SYT9: variants seen among roughly 807,000 people sequenced by gnomAD.
SYT9 encodes the protein synaptotagmin-9.
Under a neutral mutation model 48.4 loss-of-function variants are expected in SYT9, and 22 were observed. The observed-to-expected ratio is 0.45, with a 90% CI of 0.32 to 0.65. The LOEUF (loss-of-function observed/expected upper bound fraction) is 0.65, where lower values mean the gene tolerates loss of function less well. SYT9 is among the 30% of genes least tolerant of loss of function. SYT9 has a pLI of 0.03. For missense variants in SYT9, 577 were observed against 622.0 expected (o/e 0.93, Z 0.77); for synonymous variants, 265 against 245.0 (o/e 1.08, Z -0.76).
At chr11:7,345,149 C>T (rs1280449407) in intron 3 of SYT9, among the ~76,000 whole-genome samples, 2 of 152,124 alleles carry the variant, frequency 1.3e-5, no homozygotes, top group South Asian at 2.1e-4. Context: ...CATTGTTTAT[C>T]GTTCTCTTCT....
intron 1 of SYT9, among the ~76,000 whole-genome samples, chr11:7,254,550 C>A (rs1406225996): frequency 6.6e-6 from 1 of 152,106 alleles, no homozygotes; most frequent in Non-Finnish European, 1.5e-5. Flanking sequence ...AAAGCTGCAC[C>A]ACACAACGCC....
At chr11:7,273,488 C>A (rs192151847) in intron 1 of SYT9, among the ~76,000 whole-genome samples, 109 of 152,072 alleles carry the variant, frequency 7.2e-4, no homozygotes, top group Non-Finnish European at 1.1e-3. Flanking sequence ...GAGAGAGAAC[C>A]CAGTATTTAT....
chr11:7,253,925 G>GA (rs1375627134), intron 1 of SYT9, among the ~76,000 whole-genome samples: 1 of 152,192 alleles, frequency 6.6e-6, no homozygotes, highest in Non-Finnish European at 1.5e-5. Context: ...CCTTGCCTGT[G>GA]ACCAGACCAC....
At chr11:7,390,559 C>T (rs1348781805) in intron 3 of SYT9, among the ~76,000 whole-genome samples, 1 of 151,984 alleles carries the variant, frequency 6.6e-6, no homozygotes, top group East Asian at 1.9e-4. Context: ...AGTAAGAAAC[C>T]ATATGTAAAA....
chr11:7,300,696 G>A (rs987388516), intron 1 of SYT9, among the ~76,000 whole-genome samples: 3 of 152,186 alleles, frequency 2.0e-5, no homozygotes, highest in African/African-American at 7.2e-5. Context: ...ACTGCTATGT[G>A]GAGCCTATTT....
chr11:7,313,025 T>TTA (rs906482781), intron 2 of SYT9, among the ~76,000 whole-genome samples: 3 of 152,214 alleles, frequency 2.0e-5, no homozygotes, highest in African/African-American at 7.2e-5. Flanking sequence ...CAGAATTATA[T>TTA]TATATATAAA....
intron 6 of SYT9, among the ~76,000 whole-genome samples, chr11:7,422,201 G>C (rs1169350536): frequency 6.6e-6 from 1 of 152,198 alleles, no homozygotes; most frequent in Non-Finnish European, 1.5e-5. Context: ...CAGAGAGGCA[G>C]AGAGGCCCCA....
At chr11:7,334,466 G>T (rs1849599036) in intron 3 of SYT9, among the ~76,000 whole-genome samples, 1 of 152,170 alleles carries the variant, frequency 6.6e-6, no homozygotes, top group African/African-American at 2.4e-5. Context: ...CAGTTTCACT[G>T]AGGAATAATT....
intron 6 of SYT9, among the ~76,000 whole-genome samples, chr11:7,459,288 C>G (rs138468780): frequency 2.0e-5 from 3 of 152,218 alleles, no homozygotes; most frequent in African/African-American, 4.8e-5. Context: ...ATGCAGGAAT[C>G]TAGAGTTCCA....
chr11:7,367,487 A>G (rs1428887069), intron 3 of SYT9, among the ~76,000 whole-genome samples: 1 of 151,910 alleles, frequency 6.6e-6, no homozygotes, highest in Non-Finnish European at 1.5e-5. Context: ...TCATAATTTC[A>G]TTGCTTGCTA....
rs11607759 is a variant in SYT9, at chr11:7,448,551, T to A, written c.1468-18241T>A. Among the ~76,000 whole-genome samples, 1,157 of 152,314 alleles carry A rather than the reference T, an allele frequency of 7.6e-3. 11 individuals are homozygous for A. The highest frequency in any genetic ancestry group is 0.011 in the Non-Finnish European group (773 of 68,026). On this transcript the variant is annotated intron_variant, in intron 6 of 6. Coordinates refer to ENST00000318881, the MANE Select transcript of SYT9 (RefSeq NM_175733.4). ...TAGCAAGATGACTGTGCTTTATTGA[T>A]TGCAATTTCATGCTGCGATTATGCA...
Position 7,469,019 on chromosome 11 carries a change from C to T in SYT9, c.*2219C>T, listed in dbSNP as rs2134165589. On this transcript the variant is annotated 3_prime_UTR_variant, in exon 7 of 7. Transcript: ENST00000318881. ...TTCTGTTTGGTTGCCCTTTAGTTTC[C>T]TAGTAAATGCTCCTTTTGAAAAACT... 2 of 152,280 alleles carry T rather than the reference C, an allele frequency of 1.3e-5. No individual in the cohort carries two copies. Among genetic ancestry groups the T allele is most frequent in the East Asian group, 3.9e-4 (2 of 5,186 alleles). 9.4% of individuals were successfully genotyped at this position (152,280 alleles called of 1,614,324 possible).
intron 3 of SYT9, among the ~76,000 whole-genome samples, chr11:7,390,429 G>A (rs1258750089): frequency 6.6e-6 from 1 of 152,070 alleles, no homozygotes; most frequent in East Asian, 1.9e-4. Flanking sequence ...CATGTGTCAT[G>A]GTTTTCATTT....
chr11:7,306,758 A>G (rs989340320), intron 2 of SYT9, among the ~76,000 whole-genome samples: 6 of 151,862 alleles, frequency 4.0e-5, no homozygotes, highest in African/African-American at 1.5e-4. Context: ...ACTCCTTCCC[A>G]CTTTAATTCT....
chr11:7,241,436 A>C (rs1302324475), intron 1 of SYT9, among the ~76,000 whole-genome samples: 2 of 152,242 alleles, frequency 1.3e-5, no homozygotes, highest in Non-Finnish European at 2.9e-5. Context: ...GAAAATTTCC[A>C]TGCAAAATAT....
chr11:7,366,436 GT>G lies in SYT9; in HGVS notation c.1045-49601del, dbSNP rs778880053. Among the ~76,000 whole-genome samples the G allele has an allele frequency of 7.2e-5, 11 of 152,006 alleles. No homozygotes were observed. In the East Asian group the frequency reaches 1.2e-3, roughly 16 times the overall value. ...TATGCATACTTCTTTGTAATCTGAT[GT>G]TTTTCTCTTAATAAAACTCTTAATA... On this transcript the variant is annotated intron_variant, in intron 3 of 6. Coordinates refer to ENST00000318881, the MANE Select transcript of SYT9 (RefSeq NM_175733.4).
intron 3 of SYT9, among the ~76,000 whole-genome samples, chr11:7,358,698 A>C (rs1039203002): frequency 1.3e-5 from 2 of 152,206 alleles, no homozygotes; most frequent in African/African-American, 2.4e-5. Context: ...ATATTGTTTT[A>C]CATTTTCCAT....
At chr11:7,389,905 G>C (rs1301488881) in intron 3 of SYT9, among the ~76,000 whole-genome samples, 1 of 152,128 alleles carries the variant, frequency 6.6e-6, no homozygotes. Context: ...ACTTTGTGAT[G>C]TAAAATGATT....
At chr11:7,284,662 T>G (rs778787349) in intron 1 of SYT9, among the ~76,000 whole-genome samples, 1 of 152,098 alleles carries the variant, frequency 6.6e-6, no homozygotes, top group Non-Finnish European at 1.5e-5. Context: ...TGTGTCTGGG[T>G]GTGCTCTCTT....
Sources: allele counts gnomAD v4.1 joint callset (sites outside exome capture counted in the v4.1 genomes callset), GRCh38; gene constraint gnomAD v4.1.1; transcripts MANE v1.5; gene names NCBI Gene and HGNC (gene_info 2026-07-23, HGNC 2026-07-21).